The following STK33 variants were observed in gnomAD, a reference collection of about 807,000 sequenced individuals.
STK33 encodes the protein serine/threonine kinase 33.
In STK33, 52 loss-of-function variants were observed where a neutral mutation model predicts 58.0. The observed-to-expected ratio is 0.90, with a 90% CI of 0.72 to 1.13. The LOEUF is 1.13. Ranked by LOEUF, STK33 falls within the 50% of genes most tolerant of loss-of-function variation. The pLI, the probability that STK33 is intolerant of heterozygous loss-of-function variation, is 0.00. For synonymous variants in STK33, 215 were observed against 200.1 expected (o/e 1.07, Z -0.63); for missense variants, 630 against 604.2 (o/e 1.04, Z -0.45).
rs747975580 is a variant in STK33 at position 8,571,512 on chromosome 11, TA to T, written c.-466+22570del. ...GGTTATAACAAATTGTGAATGTAAT[TA>T]CTGTCACTTAATTATACACTTAAAA... On this transcript the variant is annotated intron_variant, in intron 1 of 15. Coordinates refer to ENST00000687296, the MANE Select transcript of STK33 (RefSeq NM_001352389.2). 3.3e-5 allele frequency among the ~76,000 whole-genome samples: 5 copies of T among 152,256 alleles called. No individual in the cohort carries two copies. In the East Asian group the frequency reaches 9.7e-4, roughly 29 times the overall value.
intron 1 of STK33, among the ~76,000 whole-genome samples, chr11:8,528,759 C>T (rs951918850): frequency 9.2e-5 from 14 of 152,266 alleles, no homozygotes; most frequent in Middle Eastern, 3.4e-3. Flanking sequence ...AAAGCTTTTA[C>T]GGTGAATTCT....
rs149276868 is a variant in STK33, at chr11:8,456,889, G to A, written c.697+452C>T. ...ATATATCAATCTAGTGGGGGATTTT[G>A]ACAGTGGGGCAGGTTGTGCATAAGT... On this transcript the variant is annotated intron_variant, in intron 9 of 15. Coordinates refer to ENST00000687296, the MANE Select transcript of STK33 (RefSeq NM_001352389.2). 6.8e-4 allele frequency among the ~76,000 whole-genome samples: 104 copies of A among 152,198 alleles called. No individual in the cohort carries two copies. The Middle Eastern group carries it at 0.01, about 15-fold the overall frequency.
At chr11:8,567,752 T>C (rs534004411) in intron 1 of STK33, among the ~76,000 whole-genome samples, 1 of 152,290 alleles carries the variant, frequency 6.6e-6, no homozygotes, top group South Asian at 2.1e-4. Context: ...ACAGCTCCAG[T>C]CCATGTGGGT....
intron 1 of STK33, among the ~76,000 whole-genome samples, chr11:8,583,629 T>A (rs912985339): frequency 9.8e-5 from 15 of 152,340 alleles, no homozygotes; most frequent in Middle Eastern, 3.4e-3. Flanking sequence ...GCCTAAATTA[T>A]CTGAAATAAT....
intron 1 of STK33, among the ~76,000 whole-genome samples, chr11:8,492,104 T>C (rs1288668159): frequency 6.6e-6 from 1 of 152,132 alleles, no homozygotes. Flanking sequence ...ATATTAACCT[T>C]AAATGTAAAT....
chr11:8,339,883 G>A, the STK33 span, among the ~76,000 whole-genome samples: 4 of 152,192 alleles, frequency 2.6e-5, no homozygotes, highest in Non-Finnish European at 5.9e-5. Context: ...TCCACCAGGT[G>A]AGTCCTCACC....
At chr11:8,440,796 A>T (rs368170080) in intron 11 of STK33, 43 bp from the exon 12 acceptor site, 2 of 1,517,746 alleles carry the variant, frequency 1.3e-6, no homozygotes, top group Non-Finnish European at 1.8e-6. Flanking sequence ...TAATACAATA[A>T]ATGTCTTTTA....
intron 4 of STK33, among the ~76,000 whole-genome samples, chr11:8,476,162 G>A (rs1949252649): frequency 1.3e-5 from 2 of 152,146 alleles, no homozygotes; most frequent in Admixed American, 6.5e-5. Context: ...GGGCAGCAAT[G>A]TGCTCATTAA....
At chr11:8,468,962 C>T (rs1440564379) in intron 6 of STK33, among the ~76,000 whole-genome samples, 1 of 149,698 alleles carries the variant, frequency 6.7e-6, no homozygotes, top group Non-Finnish European at 1.5e-5. Flanking sequence ...TGCTGCATTG[C>T]AAAAAAAAAT....
At chr11:8,547,562 A>T (rs1219622767) in intron 1 of STK33, among the ~76,000 whole-genome samples, 1 of 152,116 alleles carries the variant, frequency 6.6e-6, no homozygotes, top group Non-Finnish European at 1.5e-5. Flanking sequence ...CTCATTTTTA[A>T]AATCAGATTG....
At chr11:8,471,986 T>C (rs1282201238) in intron 6 of STK33, among the ~76,000 whole-genome samples, 3 of 152,180 alleles carry the variant, frequency 2.0e-5, no homozygotes, top group African/African-American at 7.2e-5. Context: ...AATGCAGTGG[T>C]ATGATCATAG....
At chr11:8,372,271 ACCAATCGGGC>A in the STK33 span, among the ~76,000 whole-genome samples, 7,442 of 152,242 alleles carry the variant, frequency 0.049, 246 homozygotes, top group Non-Finnish European at 0.07. Context: ...TTCTATGAAC[ACCAATCGGGC>A]CCTTGTAAGG....
chr11:8,374,284 C>T, the STK33 span, among the ~76,000 whole-genome samples: 1 of 152,186 alleles, frequency 6.6e-6, no homozygotes, highest in African/African-American at 2.4e-5. Context: ...CCACCCCCAA[C>T]CCCCTTGTAC....
chr11:8,576,259 A>G (rs776195657), intron 1 of STK33, among the ~76,000 whole-genome samples: 18 of 152,206 alleles, frequency 1.2e-4, no homozygotes, highest in Non-Finnish European at 2.5e-4. Context: ...TAGTGATCAT[A>G]CTTTGCATGG....
chr11:8,437,762 C>A (rs1004752385), intron 12 of STK33, among the ~76,000 whole-genome samples: 4 of 151,992 alleles, frequency 2.6e-5, no homozygotes, highest in Non-Finnish European at 4.4e-5. Flanking sequence ...GGAAAAGTTG[C>A]TTTCATCCTA....
At chr11:8,436,195 T>TG in intron 12 of STK33, 56 bp from the exon 13 acceptor site, 1 of 1,089,658 alleles carries the variant, frequency 9.2e-7, no homozygotes, top group Non-Finnish European at 1.3e-6. Context: ...AATAAGCCTA[T>TG]TAAAATTAAG....
chr11:8,423,069 T>A (rs910689431), intron 14 of STK33, among the ~76,000 whole-genome samples: 1 of 151,522 alleles, frequency 6.6e-6, no homozygotes, highest in Non-Finnish European at 1.5e-5. Context: ...CTCAAACTCC[T>A]GGACTCAAGC....
At chr11:8,540,239 G>A (rs1193950108) in intron 1 of STK33, among the ~76,000 whole-genome samples, 1 of 151,880 alleles carries the variant, frequency 6.6e-6, no homozygotes, top group Non-Finnish European at 1.5e-5. Flanking sequence ...TCAGTGGTTT[G>A]AGAAGCCAAG....
intron 11 of STK33, among the ~76,000 whole-genome samples, chr11:8,441,637 G>A (rs542263786): frequency 7.2e-5 from 11 of 152,180 alleles, no homozygotes; most frequent in South Asian, 4.1e-4. Context: ...GATTAGTGGC[G>A]TGAGACACCA....
Sources: gnomAD v4.1 joint callset for allele counts (sites outside exome capture counted in the v4.1 genomes callset) on GRCh38, gnomAD v4.1.1 for gene constraint, MANE v1.5 for transcripts, NCBI Gene and HGNC (gene_info 2026-07-23, HGNC 2026-07-21) for gene names.